SGMS1: variants seen among roughly 807,000 people sequenced by gnomAD.
The protein encoded by SGMS1 is sphingomyelin synthase 1, also known as phosphatidylcholine:ceramide cholinephosphotransferase 1.
A neutral mutation model predicts 46.2 loss-of-function variants in SGMS1; 13 were observed. The ratio of observed to expected loss-of-function variants is 0.28; its 90% confidence interval spans 0.18 to 0.45. The LOEUF (loss-of-function observed/expected upper bound fraction) is 0.45. SGMS1 is among the 20% of genes least tolerant of loss of function. SGMS1 has a pLI of 1.00. For missense variants in SGMS1, 324 were observed against 519.9 expected (o/e 0.62, Z 3.66); for synonymous variants, 203 against 187.8 (o/e 1.08, Z -0.66).
At chr10:50,355,831 C>T (rs1030551797) in intron 6 of SGMS1, among the ~76,000 whole-genome samples, 36 of 151,878 alleles carry the variant, frequency 2.4e-4, no homozygotes, top group African/African-American at 8.0e-4. Context: ...ATGTGGGGAG[C>T]GCCTCTGCCC....
At chr10:50,559,163 A>G (rs1838212719) in intron 2 of SGMS1, among the ~76,000 whole-genome samples, 1 of 152,218 alleles carries the variant, frequency 6.6e-6, no homozygotes, top group African/African-American at 2.4e-5. Context: ...CACATCACAT[A>G]TCAAAGGCCT....
intron 3 of SGMS1, among the ~76,000 whole-genome samples, chr10:50,479,587 T>C (rs1012311158): frequency 1.8e-4 from 28 of 152,308 alleles, no homozygotes; most frequent in African/African-American, 6.5e-4. Flanking sequence ...TTCTTACTTT[T>C]CCCATGTTTG....
At chr10:50,391,044 A>G (rs1198009274) in intron 6 of SGMS1, among the ~76,000 whole-genome samples, 1 of 152,238 alleles carries the variant, frequency 6.6e-6, no homozygotes, top group Non-Finnish European at 1.5e-5. Context: ...GGATGCCAAG[A>G]AGCGTGTAGT....
chr10:50,483,480 C>T (rs1837494676), intron 3 of SGMS1, among the ~76,000 whole-genome samples: 1 of 152,126 alleles, frequency 6.6e-6, no homozygotes, highest in Non-Finnish European at 1.5e-5. Flanking sequence ...TTAGACAGAT[C>T]ACTGAGAGAG....
rs117863440 is a variant in SGMS1, at chr10:50,394,448, G to A, written c.-232+39028C>T. Among the ~76,000 whole-genome samples the A allele has an allele frequency of 8.5e-5, 13 of 152,324 alleles. No individual in the cohort carries two copies. In the East Asian group the frequency reaches 2.3e-3, roughly 27 times the overall value. Reference sequence around the variant, plus strand: ...ATATTTTATGACACCTGACAAAGCAGAATTTGTCAAGCCTTGTTTAAGAGT... The same window carrying A: ...ATATTTTATGACACCTGACAAAGCAAAATTTGTCAAGCCTTGTTTAAGAGT... On this transcript the variant is annotated intron_variant, in intron 6 of 10. Coordinates refer to ENST00000361781, the MANE Select transcript of SGMS1 (RefSeq NM_147156.4).
chr10:50,407,183 C>T (rs1849026919), intron 6 of SGMS1, among the ~76,000 whole-genome samples: 1 of 152,166 alleles, frequency 6.6e-6, no homozygotes, highest in Admixed American at 6.5e-5. Context: ...CCAGTTCTGT[C>T]CCTATCATGG....
chr10:50,502,813 T>C (rs1837673080), intron 3 of SGMS1, among the ~76,000 whole-genome samples: 1 of 152,184 alleles, frequency 6.6e-6, no homozygotes, highest in African/African-American at 2.4e-5. Context: ...TTTTCCATTT[T>C]AAAAATAGTC....
Position 50,611,297 on chromosome 10 carries a change from A to T in SGMS1, c.-684+12410T>A, listed in dbSNP as rs1464837281. 2.0e-5 allele frequency among the ~76,000 whole-genome samples: 3 copies of T among 152,182 alleles called. No homozygotes were observed. The East Asian group carries it at 5.8e-4, about 29-fold the overall frequency. The stretch of plus-strand genomic sequence containing the variant: ...GCCACCTCAACAACTGCAGAATGCA[A>T]CCCTGTACTACTGTGGACACACGCC... On this transcript the variant is annotated intron_variant, in intron 1 of 10. Coordinates refer to ENST00000361781, the MANE Select transcript of SGMS1 (RefSeq NM_147156.4).
intron 6 of SGMS1, chr10:50,418,059 C>T (rs1218491695): frequency 6.6e-6 from 1 of 152,262 alleles, no homozygotes. Context: ...CGGAGCAACA[C>T]TTACGGTCTC....
rs749517268 is a variant in SGMS1 at position 50,307,518 on chromosome 10, G to A, written c.1063-197C>T. Reference sequence around the variant, plus strand: ...AGCCACATCCCAGTAGAAAAACAACGCCAATTCTGGGAGGGCAAGGAGAAC... The same window carrying A: ...AGCCACATCCCAGTAGAAAAACAACACCAATTCTGGGAGGGCAAGGAGAAC... On this transcript the variant is annotated intron_variant, in intron 10 of 10. Coordinates refer to ENST00000361781, the MANE Select transcript of SGMS1 (RefSeq NM_147156.4). This position sits in a 1 kb window ranked among gnomAD's most constrained non-coding sequence, Gnocchi z 4.2. Among the ~76,000 whole-genome samples, 18 of 152,000 alleles carry A rather than the reference G, an allele frequency of 1.2e-4. No homozygotes were observed. The highest frequency in any genetic ancestry group is 7.2e-4 in the Admixed American group (11 of 15,264).
At chr10:50,596,445 T>A (rs1358237067) in intron 1 of SGMS1, among the ~76,000 whole-genome samples, 1 of 152,248 alleles carries the variant, frequency 6.6e-6, no homozygotes, top group Non-Finnish European at 1.5e-5. Context: ...CCCAAAGTGC[T>A]GGGCTTACAG....
rs111361889 is a variant in SGMS1, at chr10:50,610,566, G to A, written c.-684+13141C>T. Among the ~76,000 whole-genome samples, 522 of 152,248 alleles carry A rather than the reference G, an allele frequency of 3.4e-3. 2 individuals are homozygous for A. The highest frequency in any genetic ancestry group is 0.011 in the African/African-American group (472 of 41,534). On this transcript the variant is annotated intron_variant, in intron 1 of 10. Transcript: ENST00000361781. ...TAAAATCAAAGTGAGAGGGAAAGCC[G>A]GCCATGCTGAGGCCCCTATGGAAAC...
chr10:50,601,545 T>C (rs1838650059), intron 1 of SGMS1, among the ~76,000 whole-genome samples: 3 of 152,206 alleles, frequency 2.0e-5, no homozygotes, highest in African/African-American at 7.2e-5. Flanking sequence ...ATACCTGACA[T>C]GAGAACTGAA....
intron 8 of SGMS1, 46 bp downstream of exon 8, chr10:50,327,159 G>C (rs374200410): frequency 2.8e-5 from 34 of 1,212,608 alleles, no homozygotes; most frequent in Non-Finnish European, 3.8e-5. Flanking sequence ...CCCAGGGCAA[G>C]ACAAGAAACA....
At chr10:50,616,481 C>T (rs2131939496) in intron 1 of SGMS1, among the ~76,000 whole-genome samples, 1 of 152,296 alleles carries the variant, frequency 6.6e-6, no homozygotes, top group East Asian at 1.9e-4. Flanking sequence ...ATTCCACCAA[C>T]ATAACCTAAG....
intron 6 of SGMS1, among the ~76,000 whole-genome samples, chr10:50,404,286 C>A (rs1848981908): frequency 1.3e-5 from 2 of 151,268 alleles, no homozygotes; most frequent in South Asian, 2.1e-4. Context: ...GTGGGAAAGA[C>A]ATAATCTTGT....
intron 2 of SGMS1, among the ~76,000 whole-genome samples, chr10:50,575,146 T>C (rs184439212): frequency 6.4e-4 from 98 of 152,022 alleles, no homozygotes; most frequent in African/African-American, 2.1e-3. Context: ...TGTTGTTCTA[T>C]AGATATGAAG....
chr10:50,396,167 G>A (rs960089378), intron 6 of SGMS1, among the ~76,000 whole-genome samples: 20 of 152,104 alleles, frequency 1.3e-4, no homozygotes, highest in African/African-American at 4.8e-4. Context: ...TTTAGTGGCT[G>A]TCTCCTCAGG....
intron 2 of SGMS1, among the ~76,000 whole-genome samples, chr10:50,563,534 G>C (rs1366612219): frequency 6.6e-6 from 1 of 151,672 alleles, no homozygotes; most frequent in African/African-American, 2.4e-5. Flanking sequence ...ACGAGGTCAG[G>C]AGATCGAGAC....
Sources: gnomAD v4.1 joint callset for allele counts (sites outside exome capture counted in the v4.1 genomes callset) on GRCh38, gnomAD v4.1.1 for gene constraint, Gnocchi (gnomAD v3.1) non-coding constraint, MANE v1.5 for transcripts, NCBI Gene and HGNC (gene_info 2026-07-23, HGNC 2026-07-21) for gene names.